The following GAK variants were observed in gnomAD, a reference collection of about 807,000 sequenced individuals.
GAK encodes the protein cyclin G associated kinase.
A neutral mutation model predicts 143.9 loss-of-function variants in GAK; 79 were observed. The observed-to-expected ratio is 0.55, with a 90% CI of 0.46 to 0.66. The LOEUF is 0.66. Ranked by LOEUF, GAK falls within the 30% of genes least tolerant of loss-of-function variation. The pLI is 0.00. For missense variants in GAK, 1,693 were observed against 1,779.7 expected (o/e 0.95, Z 0.88); for synonymous variants, 881 against 765.5 (o/e 1.15, Z -2.49).
intron 1 of GAK, among the ~76,000 whole-genome samples, chr4:923,213 G>C (rs931071256): frequency 6.6e-5 from 10 of 152,122 alleles, no homozygotes; most frequent in Non-Finnish European, 1.2e-4. Context: ...AAATAGAAAA[G>C]ATCTCCATCT....
At chr4:884,204 C>T (rs1715776253) in intron 11 of GAK, 118 bp from the exon 12 acceptor site, 17 of 821,288 alleles carry the variant, frequency 2.1e-5, no homozygotes, top group Non-Finnish European at 3.4e-5. Flanking sequence ...GTAGAGGCCG[C>T]ATCCCAGGAG....
chr4:866,107 G>A (rs867807190), intron 22 of GAK, among the ~76,000 whole-genome samples: 5 of 152,272 alleles, frequency 3.3e-5, no homozygotes, highest in South Asian at 4.1e-4. Context: ...CCTGTTGCCA[G>A]TCACAGACGA....
chr4:863,102 G>A (rs1336639818), intron 23 of GAK, among the ~76,000 whole-genome samples: 1 of 152,236 alleles, frequency 6.6e-6, no homozygotes, highest in South Asian at 2.1e-4. Flanking sequence ...CACAGGAAGA[G>A]GTTAAAACAG....
Position 897,934 on chromosome 4 carries a change from C to A in GAK, c.651+99G>T. 3.7e-6 allele frequency: 5 copies of A among 1,357,630 alleles called. No individual in the cohort carries two copies. In the East Asian group the frequency reaches 1.1e-4, roughly 29 times the overall value. 84.1% of individuals were successfully genotyped at this position (1,357,630 alleles called of 1,614,324 possible). ...ACTGCACTCCAGCCTGGTGACAGAG[C>A]GAGACTCAAAGCACCCCGGCGGAAA... On this transcript the variant is annotated intron_variant, in intron 6 of 27. Transcript: ENST00000314167.
At chr4:850,425 A>C (rs1747914479) in intron 26 of GAK, 1 of 234,580 alleles carries the variant, frequency 4.3e-6, no homozygotes, top group Admixed American at 5.1e-5. Context: ...AAAGGACCCC[A>C]AGGTCACAGG....
At chr4:888,554 C>T (rs983400757) in intron 11 of GAK, 26 of 397,640 alleles carry the variant, frequency 6.5e-5, no homozygotes, top group Non-Finnish European at 1.0e-4. Context: ...GGGAACAAGC[C>T]AGGAACGCCC....
In GAK at chr4:849,785, C is replaced by T. The variant is rs1331867432; in HGVS notation, c.3835-11G>A. 1.2e-6 allele frequency: 2 copies of T among 1,608,262 alleles called. No individual in the cohort carries two copies. The highest frequency in any genetic ancestry group is 1.7e-5 in the Admixed American group (1 of 59,780). Reference sequence around the variant, plus strand: ...CGGCTGCCCCGCAGCCTATGGGTGACAGGCGGTGTAAGCGCCTCTTATAAG... The same window carrying T: ...CGGCTGCCCCGCAGCCTATGGGTGATAGGCGGTGTAAGCGCCTCTTATAAG... On this transcript the variant is annotated splice_polypyrimidine_tract_variant and intron_variant, in intron 27 of 27. Transcript: ENST00000314167.
chr4:879,846 GCTTT>G (rs1714735164), intron 15 of GAK, among the ~76,000 whole-genome samples: 1 of 152,166 alleles, frequency 6.6e-6, no homozygotes, highest in African/African-American at 2.4e-5. Context: ...TCTACCCCAC[GCTTT>G]CTCTCTGTGA....
At chr4:856,615 G>GTGCTCACACCTGCTCACAGC (rs1204863866) in intron 24 of GAK, among the ~76,000 whole-genome samples, 10,860 of 109,552 alleles carry the variant, frequency 0.099, 667 homozygotes, top group South Asian at 0.2. Context: ...CTCACCACAG[G>GTGCTCACACCTGCTCACAGC]TGCTCACACC....
In GAK at chr4:859,612, G is replaced by T. The variant is rs373361686; in HGVS notation, c.3277C>A (p.Leu1093Ile). The change falls in exon 24 of 28, where the codon CTC (leucine) becomes ATC (isoleucine). Residue 1093 changes from leucine (L) to isoleucine (I), a missense_variant. Leu to Ile is a conservative substitution (Grantham distance 5). This residue lies in a region of GAK where 822 missense variants were observed against 788.7 expected (regional missense o/e 1.04). Transcript: ENST00000314167. ...FADLGDLSSG[L>I]QGSPAGFPPG... ...AAAGTGCCCTCCACGTTACCTTGGA[G>T]GCCGGAGCTGAGGTCGCCAAGGTCA... is the stretch of plus-strand genomic sequence containing the variant. 2.5e-6 allele frequency: 4 copies of T among 1,596,870 alleles called. No individual in the cohort carries two copies. Among genetic ancestry groups the T allele is most frequent in the Non-Finnish European group, 1.7e-6 (2 of 1,165,724 alleles).
chr4:903,617 G>A (rs990467879), intron 5 of GAK, among the ~76,000 whole-genome samples: 1 of 149,742 alleles, frequency 6.7e-6, no homozygotes, highest in Non-Finnish European at 1.5e-5. Flanking sequence ...GAGCAGGAAT[G>A]CGGGGCCTGA....
chr4:849,947 G>A lies in GAK; in HGVS notation c.3779C>T (p.Pro1260Leu), dbSNP rs779840058. The change falls in exon 27 of 28, where the codon CCG becomes CTG. Residue 1260 changes from proline to leucine, a missense_variant. This residue lies in a region of GAK where 822 missense variants were observed against 788.7 expected (regional missense o/e 1.04). Transcript: ENST00000314167. ...GCGATAGTGCTTCTTCACTTGCTCC[G>A]GAGCCACCAGGTCGGCCATGCCCAC... ...TPVGMADLVA[P>L]EQVKKHYRRA... 135 of 1,611,312 alleles carry A rather than the reference G, an allele frequency of 8.4e-5. No homozygotes were observed. Among genetic ancestry groups the A allele is most frequent in the Non-Finnish European group, 1.0e-4 (123 of 1,179,318 alleles).
intron 7 of GAK, among the ~76,000 whole-genome samples, chr4:895,027 C>G (rs865964727): frequency 2.7e-5 from 4 of 145,608 alleles, no homozygotes; most frequent in Admixed American, 2.0e-4. Flanking sequence ...AGGTTCCTTT[C>G]AAAATTCCGG....
chr4:849,714 A>G lies in GAK; in HGVS notation c.3895T>C (p.Trp1299Arg). 1 of 1,613,418 alleles carries G rather than the reference A, an allele frequency of 6.2e-7. No homozygotes were observed. The highest frequency in any genetic ancestry group is 2.2e-5 in the East Asian group (1 of 44,840). The change falls in exon 28 of 28, where the codon TGG becomes CGG. Residue 1299 changes from tryptophan (W) to arginine (R), a missense_variant. Physicochemically the swap from Trp to Arg is moderately radical, Grantham distance 101. Coordinates refer to ENST00000314167, the MANE Select transcript of GAK (RefSeq NM_005255.4). ...KMIFMELNDA[W>R]SEFENQGSRP... The stretch of plus-strand genomic sequence containing the variant: ...GAGCCCTGGTTCTCAAACTCCGACC[A>G]GGCGTCATTCAGCTCCATGAAGATC...
intron 23 of GAK, among the ~76,000 whole-genome samples, chr4:860,256 GGAGGATC>G (rs1750041132): frequency 6.8e-6 from 1 of 146,182 alleles, no homozygotes; most frequent in Non-Finnish European, 1.5e-5. Flanking sequence ...GGCTGCGGTG[GGAGGATC>G]GCTCCAGCCC....
intron 24 of GAK, among the ~76,000 whole-genome samples, chr4:856,232 A>G (rs1749123180): frequency 7.5e-6 from 1 of 133,376 alleles, no homozygotes; most frequent in South Asian, 2.5e-4. Flanking sequence ...GCTCACCACC[A>G]CAGCTGCTCA....
At chr4:902,606 A>AAAAAAAAAAAAAAAC (rs1422365462) in intron 5 of GAK, among the ~76,000 whole-genome samples, 1 of 103,384 alleles carries the variant, frequency 9.7e-6, no homozygotes, top group Non-Finnish European at 2.3e-5. Flanking sequence ...CAAAAAAAAA[A>AAAAAAAAAAAAAAAC]AAAAAAAACC....
In GAK at chr4:849,967, G is replaced by C; in HGVS notation, c.3759C>G (p.Gly1253=). 2.5e-6 allele frequency: 4 copies of C among 1,611,906 alleles called. No individual in the cohort carries two copies. In the South Asian group the frequency reaches 4.4e-5, roughly 18 times the overall value. ...GCTCCGGAGCCACCAGGTCGGCCAT[G>C]CCCACGGGCGTCCAGCGGCTCTCCC... ...WDGESRWTPV[G]MADLVAPEQV... Residue 1253 remains glycine, a synonymous_variant, in exon 27 of 28, where the codon GGC becomes GGG. Coordinates refer to ENST00000314167, the MANE Select transcript of GAK (RefSeq NM_005255.4).
Position 896,753 on chromosome 4 carries a change from G to C in GAK, c.652-204C>G, listed in dbSNP as rs536541850. On this transcript the variant is annotated intron_variant, in intron 6 of 27. Transcript: ENST00000314167. ...TCTTCGGCCTCAGCGCGCTCCTTACGATGAGGACTGAGTCATTCACCTCCC... is the reference window on the plus strand; with the variant it reads ...TCTTCGGCCTCAGCGCGCTCCTTACCATGAGGACTGAGTCATTCACCTCCC... Among the ~76,000 whole-genome samples, 7 of 152,366 alleles carry C rather than the reference G, an allele frequency of 4.6e-5. No homozygotes were observed. In the South Asian group the frequency reaches 1.4e-3, roughly 32 times the overall value.
Sources: allele counts gnomAD v4.1 joint callset (sites outside exome capture counted in the v4.1 genomes callset), GRCh38; gene constraint gnomAD v4.1.1; regional missense constraint gnomAD v4.1.1; transcripts MANE v1.5; gene names NCBI Gene and HGNC (gene_info 2026-07-23, HGNC 2026-07-21).